Variants in GSE1 observed in about 807,000 individuals in gnomAD.
GSE1 encodes genetic suppressor element 1.
A neutral mutation model predicts 112.6 loss-of-function variants in GSE1; 32 were observed. That is an observed-to-expected ratio of 0.28 (90% CI 0.21 to 0.38). GSE1 has a LOEUF of 0.38. Among genes scored for constraint, GSE1 ranks in the 10% least tolerant of loss-of-function variants. The pLI is 1.00. For synonymous variants in GSE1, 1,115 were observed against 735.6 expected, an observed-to-expected ratio of 1.52 and a Z score of -8.35; for missense variants, 2,348 against 1,699.2, an observed-to-expected ratio of 1.38 and a Z score of -6.71.
chr16:85,615,412 G>A (rs1419969017), intron 1 of GSE1, among the ~76,000 whole-genome samples: 1 of 152,216 alleles, frequency 6.6e-6, no homozygotes, highest in East Asian at 1.9e-4. Context: ...TCTCCTGCGG[G>A]CCGGGTGCGA....
At chr16:85,324,424 C>G (rs1274856868) in intron 1 of GSE1, among the ~76,000 whole-genome samples, 1 of 151,274 alleles carries the variant, frequency 6.6e-6, no homozygotes, top group Non-Finnish European at 1.5e-5. Flanking sequence ...GCAGGAGAAT[C>G]ACTTGAACCT....
At chr16:85,523,978 G>C (rs528753821) in intron 2 of GSE1, among the ~76,000 whole-genome samples, 1 of 152,184 alleles carries the variant, frequency 6.6e-6, no homozygotes, top group Non-Finnish European at 1.5e-5. Flanking sequence ...GGGGAGGGGA[G>C]GGCTTTTGGG....
intron 2 of GSE1, 140 bp from the exon 3 acceptor site, chr16:85,648,412 G>T (rs2051060159): frequency 1.7e-6 from 1 of 584,894 alleles, no homozygotes; most frequent in Non-Finnish European, 3.0e-6. Flanking sequence ...TGTCTTGGGT[G>T]GGGGCCCATG....
chr16:85,489,546 G>A (rs550774405), intron 2 of GSE1, among the ~76,000 whole-genome samples: 14 of 146,246 alleles, frequency 9.6e-5, no homozygotes, highest in Non-Finnish European at 7.5e-5. Flanking sequence ...TGCCCACCCC[G>A]CAGCGCCTGC....
In GSE1 at chr16:85,654,983, G is replaced by A. The variant is rs202041163; in HGVS notation, c.789G>A (p.Pro263=). The A allele has an allele frequency of 1.1e-5, 18 of 1,570,944 alleles. No homozygotes were observed. In the East Asian group the frequency reaches 1.8e-4, roughly 16 times the overall value. The part of the protein sequence containing the change: ...SYLAPHPFPH[P]AFRMDDSYCL... The stretch of plus-strand genomic sequence containing the variant: ...TGGCCCCACACCCCTTCCCCCACCC[G>A]GCCTTCAGGTGAGGCATCCCCCACG... Residue 263 remains proline (P), a synonymous_variant, in exon 5 of 16, where the codon CCG becomes CCA. Coordinates refer to ENST00000253458, the MANE Select transcript of GSE1 (RefSeq NM_014615.5).
intron 2 of GSE1, among the ~76,000 whole-genome samples, chr16:85,644,640 G>T (rs61614795): frequency 1.3e-5 from 2 of 152,158 alleles, no homozygotes; most frequent in African/African-American, 4.8e-5. Context: ...GAGCCAATGC[G>T]TGCGGGGCCT....
intron 2 of GSE1, among the ~76,000 whole-genome samples, chr16:85,456,109 G>A (rs746751063): frequency 6.6e-6 from 1 of 152,228 alleles, no homozygotes; most frequent in African/African-American, 2.4e-5. Context: ...TCCAGAGGAA[G>A]CTGTGCCTCC....
chr16:85,581,593 A>T (rs534327819), intron 1 of GSE1, among the ~76,000 whole-genome samples: 1 of 152,290 alleles, frequency 6.6e-6, no homozygotes, highest in South Asian at 2.1e-4. Flanking sequence ...TCTTCCGTAG[A>T]AGTTCAGCAT....
At chr16:85,227,733 AG>A (rs1212411770) in intron 1 of GSE1, among the ~76,000 whole-genome samples, 1 of 152,152 alleles carries the variant, frequency 6.6e-6, no homozygotes, top group African/African-American at 2.4e-5. Context: ...CAGGCTCTGG[AG>A]CACCCACCAT....
At position 85,403,185 on chromosome 16, in the gene GSE1, C is replaced by G. The variant is rs939957422; in HGVS notation, c.2464+45542C>G. 3.9e-5 allele frequency among the ~76,000 whole-genome samples: 6 copies of G among 152,274 alleles called. No individual in the cohort carries two copies. In the South Asian group the frequency reaches 1.2e-3, roughly 32 times the overall value. On this transcript the variant is annotated intron_variant, in intron 2 of 2. Transcript: ENST00000637419. ...GCCACGCTGAGCTCACCACAGGGATCCTGTGCTATCAGGCAAGCCAGGGTG... is the reference window on the plus strand; with the variant it reads ...GCCACGCTGAGCTCACCACAGGGATGCTGTGCTATCAGGCAAGCCAGGGTG...
At chr16:85,295,498 G>A (rs1054290260) in intron 1 of GSE1, among the ~76,000 whole-genome samples, 2 of 152,298 alleles carry the variant, frequency 1.3e-5, no homozygotes, top group Admixed American at 6.5e-5. Context: ...TCCACCTTTC[G>A]GCTGCTGTCA....
intron 1 of GSE1, among the ~76,000 whole-genome samples, chr16:85,592,042 G>C (rs528222257): frequency 6.6e-6 from 1 of 152,174 alleles, no homozygotes; most frequent in Non-Finnish European, 1.5e-5. Flanking sequence ...CTGCGGCCAG[G>C]GGCACCCCCC....
intron 2 of GSE1, among the ~76,000 whole-genome samples, chr16:85,508,673 C>G (rs957913113): frequency 6.6e-6 from 1 of 152,220 alleles, no homozygotes; most frequent in Non-Finnish European, 1.5e-5. Context: ...CCAGATACAG[C>G]CTCGGAGGGG....
chr16:85,330,190 A>G (rs2046309263), intron 1 of GSE1, among the ~76,000 whole-genome samples: 1 of 152,182 alleles, frequency 6.6e-6, no homozygotes, highest in Admixed American at 6.5e-5. Context: ...GGCTTTGCAG[A>G]TGTGAGCTAG....
chr16:85,550,651 C>G lies in GSE1; in HGVS notation c.2465-83263C>G, dbSNP rs141341961. ...AGCTCCCAGCCGAGGCACCCCGCCG[C>G]CTGCACTCCAGACCCCAGCCTGCAG... On this transcript the variant is annotated intron_variant, in intron 2 of 2. Transcript: ENST00000637419. Among the ~76,000 whole-genome samples, 514 of 152,320 alleles carry G rather than the reference C, an allele frequency of 3.4e-3. 13 individuals are homozygous for G. Among genetic ancestry groups the G allele is most frequent in the Admixed American group, 0.028 (422 of 15,302 alleles).
intron 1 of GSE1, among the ~76,000 whole-genome samples, chr16:85,246,273 ACCC>A (rs1385046763): frequency 5.0e-5 from 6 of 118,860 alleles, no homozygotes; most frequent in African/African-American, 1.7e-4. Flanking sequence ...ACACACACAC[ACCC>A]CACACGCTGT....
rs568393461 is a variant in GSE1 at position 85,548,061 on chromosome 16, A to G, written c.2465-85853A>G. Among the ~76,000 whole-genome samples, 5 of 151,852 alleles carry G rather than the reference A, an allele frequency of 3.3e-5. No homozygotes were observed. The South Asian group carries it at 1.0e-3, about 32-fold the overall frequency. On this transcript the variant is annotated intron_variant, in intron 2 of 2. Coordinates refer to the GSE1 transcript ENST00000637419. ...GCCAACATGGTGAAACGCTGTCTCT[A>G]CTAAAAATACCAAAAAAATTAGCTG... is the stretch of plus-strand genomic sequence containing the variant.
chr16:85,580,230 C>T (rs1019471100), intron 1 of GSE1: 3 of 152,630 alleles, frequency 2.0e-5, no homozygotes, highest in African/African-American at 7.2e-5. Context: ...TGCTGAGCTC[C>T]TGCAGGGGAA....
chr16:85,219,107 C>T (rs912770541), intron 1 of GSE1, among the ~76,000 whole-genome samples: 4 of 152,112 alleles, frequency 2.6e-5, no homozygotes, highest in Admixed American at 1.3e-4. Flanking sequence ...TCTTGATCTC[C>T]GGACTCATGA....
Sources: gnomAD v4.1 joint callset for allele counts (sites outside exome capture counted in the v4.1 genomes callset) on GRCh38, gnomAD v4.1.1 for gene constraint, MANE v1.5 for transcripts, NCBI Gene and HGNC (gene_info 2026-07-23, HGNC 2026-07-21) for gene names.